Variants in ANKRD20A1 observed in about 807,000 individuals in gnomAD.
The protein encoded by ANKRD20A1 is ankyrin repeat domain-containing protein 20A1.
Under a neutral mutation model 50.9 loss-of-function variants are expected in ANKRD20A1, and 2 were observed. The ratio of observed to expected loss-of-function variants is 0.04; its 90% CI spans 0.02 to 0.12. The LOEUF is 0.12. Ranked by LOEUF, ANKRD20A1 falls within the 10% of genes least tolerant of loss-of-function variation. The probability of loss-of-function intolerance (pLI) is 1.00; values close to 1 mark genes in which losing one functional copy is unlikely to be tolerated. For missense variants in ANKRD20A1, 31 were observed against 548.1 expected (o/e 0.06, Z 9.42); for synonymous variants, 10 against 186.2 (o/e 0.05, Z 7.70).
At chr9:67,882,942 C>T (rs1470518812) in intron 8 of ANKRD20A1, among the ~76,000 whole-genome samples, 1 of 151,214 alleles carries the variant, frequency 6.6e-6, no homozygotes, top group Non-Finnish European at 1.5e-5. Context: ...CAGCTTCATC[C>T]ATGTCCCTAC....
At chr9:67,882,571 C>T (rs1358715885) in intron 8 of ANKRD20A1, among the ~76,000 whole-genome samples, 1 of 149,976 alleles carries the variant, frequency 6.7e-6, no homozygotes, top group Non-Finnish European at 1.5e-5. Flanking sequence ...TTTAGATTAA[C>T]ATTTCTTAAG....
intron 8 of ANKRD20A1, among the ~76,000 whole-genome samples, chr9:67,882,240 G>A (rs1241567018): frequency 1.3e-5 from 2 of 151,270 alleles, no homozygotes; most frequent in African/African-American, 4.8e-5. Flanking sequence ...GCCTGCCTCA[G>A]CCTCTCAAAG....
At position 67,884,544 on chromosome 9, in the gene ANKRD20A1, A is replaced by G. The variant is rs1289171425; in HGVS notation, c.953A>G (p.Asn318Ser). ...CCTGGATCTTCGCATGAAAAAGGAA[A>G]CAGAATAGTCAATGGACAAGGAGAA... The part of the protein sequence containing the change: ...PLPGSSHEKG[N>S]RIVNGQGEGP... The change falls in exon 9 of 15, where the codon AAC becomes AGC. Residue 318 changes from asparagine (N) to serine (S), a missense_variant. By Grantham distance (46) the Asn-to-Ser change is conservative (BLOSUM62 1). Coordinates refer to ENST00000562196, the MANE Select transcript of ANKRD20A1 (RefSeq NM_032250.5). 1.9e-6 allele frequency: 3 copies of G among 1,591,974 alleles called. No homozygotes were observed. The highest frequency in any genetic ancestry group is 1.1e-5 in the South Asian group (1 of 90,450).
At chr9:67,863,650 C>A (rs1827517814) in intron 3 of ANKRD20A1, among the ~76,000 whole-genome samples, 1 of 38,192 alleles carries the variant, frequency 2.6e-5, no homozygotes, top group Non-Finnish European at 5.0e-5. Flanking sequence ...TTTTTCTACA[C>A]AGGCTTATTC....
rs144026348 is a variant in ANKRD20A1 at position 67,882,308 on chromosome 9, A to G, written c.894+1763A>G. Among the ~76,000 whole-genome samples the G allele has an allele frequency of 4.7e-3, 707 of 150,500 alleles. 3 individuals carry two copies. The highest frequency in any genetic ancestry group is 0.016 in the African/African-American group (666 of 40,482). ...AATAATGTTTAATCTGAATAAATAG[A>G]CAAATGAATTTTTATATAATGGAAT... On this transcript the variant is annotated intron_variant, in intron 8 of 14. Transcript: ENST00000562196.
chr9:67,885,132 G>T (rs1215531975), intron 9 of ANKRD20A1, among the ~76,000 whole-genome samples: 3 of 152,148 alleles, frequency 2.0e-5, no homozygotes, highest in Non-Finnish European at 2.9e-5. Flanking sequence ...TCAGGAGAGA[G>T]GGAAGAGGAA....
intron 8 of ANKRD20A1, among the ~76,000 whole-genome samples, chr9:67,881,585 G>A (rs1827796783): frequency 6.6e-6 from 1 of 152,378 alleles, no homozygotes; most frequent in African/African-American, 2.4e-5. Flanking sequence ...TGGCCAACGT[G>A]GTGAAACCCT....
Position 67,894,762 on chromosome 9 carries a change from CA to C in ANKRD20A1, c.1152+1269del, listed in dbSNP as rs566815836. 2.9e-3 allele frequency among the ~76,000 whole-genome samples: 107 copies of C among 36,974 alleles called. 13 individuals carry two copies. The highest frequency in any genetic ancestry group is 7.1e-3 in the African/African-American group (87 of 12,186). 24.3% of individuals were successfully genotyped at this position (36,974 alleles called of 152,430 possible). A position where few individuals can be genotyped will look rare whatever the true frequency, so the allele number is the denominator to read the frequency against. On this transcript the variant is annotated intron_variant, in intron 12 of 14. Transcript: ENST00000562196. Reference sequence around the variant, plus strand: ...AATTTGTTTTCCATTTTGCACCTGCCAAAAAAAAAAAAAGTCTCAAGAACCA... The same window carrying C: ...AATTTGTTTTCCATTTTGCACCTGCCAAAAAAAAAAAAGTCTCAAGAACCA...
At chr9:67,882,426 T>C (rs1827816293) in intron 8 of ANKRD20A1, among the ~76,000 whole-genome samples, 1 of 138,900 alleles carries the variant, frequency 7.2e-6, no homozygotes, top group Admixed American at 7.9e-5. Context: ...TTTAAGGGTG[T>C]ATAAGTTTTG....
chr9:67,860,088 C>T (rs1334190243), intron 1 of ANKRD20A1, among the ~76,000 whole-genome samples: 1 of 33,628 alleles, frequency 3.0e-5, no homozygotes, highest in Non-Finnish European at 5.4e-5. Context: ...GTCAGAGTCT[C>T]GCTTCTTTGC....
chr9:67,884,866 G>A (rs1482577991), intron 9 of ANKRD20A1, among the ~76,000 whole-genome samples: 1 of 151,172 alleles, frequency 6.6e-6, no homozygotes, highest in East Asian at 2.0e-4. Context: ...TTCCACCCTG[G>A]GCGACAGAGC....
Position 67,897,124 on chromosome 9 carries a change from G to A in ANKRD20A1, c.1153-435G>A, listed in dbSNP as rs1291983712. ...AAGGGAAAACTTCTTTACTGTTCCC[G>A]AAGGCCTACAAGGTCACATCCTCTT... On this transcript the variant is annotated intron_variant, in intron 12 of 14. Transcript: ENST00000562196. Among the ~76,000 whole-genome samples, 6 of 96,010 alleles carry A rather than the reference G, an allele frequency of 6.2e-5. 1 individual carries two copies. Among genetic ancestry groups the A allele is most frequent in the Non-Finnish European group, 9.5e-5 (4 of 42,100 alleles). The allele number at this position is 96,010 out of a possible 152,430, so 63.0% of individuals were successfully genotyped here. A position where few individuals can be genotyped will look rare whatever the true frequency, so the allele number is the denominator to read the frequency against.
intron 9 of ANKRD20A1, among the ~76,000 whole-genome samples, chr9:67,886,637 A>T (rs1827883752): frequency 1.2e-5 from 1 of 82,780 alleles, no homozygotes. Flanking sequence ...CTCAAGGCCA[A>T]ATGAGGGGAT....
rs1827648361 is a variant in ANKRD20A1, at chr9:67,871,628, AAATT to A, written c.793+417_793+420del. The stretch of plus-strand genomic sequence containing the variant: ...GGATCTTCGATTTCATTTTTATAAT[AAATT>A]GTTTATATTTAGTAAACAAATAACT... On this transcript the variant is annotated intron_variant, in intron 6 of 14. Coordinates refer to ENST00000562196, the MANE Select transcript of ANKRD20A1 (RefSeq NM_032250.5). Among the ~76,000 whole-genome samples, 2 of 136,564 alleles carry A rather than the reference AAATT, an allele frequency of 1.5e-5. 1 individual carries two copies. Among genetic ancestry groups the A allele is most frequent in the African/African-American group, 5.4e-5 (2 of 36,746 alleles). The allele number at this position is 136,564 out of a possible 152,430, so 89.6% of individuals were successfully genotyped here.
At chr9:67,882,250 G>C (rs1379113988) in intron 8 of ANKRD20A1, among the ~76,000 whole-genome samples, 1 of 151,390 alleles carries the variant, frequency 6.6e-6, no homozygotes, top group African/African-American at 2.4e-5. Flanking sequence ...GCCTCTCAAA[G>C]TGCTGGGTTA....
In ANKRD20A1 at chr9:67,860,957, T is replaced by A. The variant is rs1294309829; in HGVS notation, c.203+1328T>A. On this transcript the variant is annotated intron_variant, in intron 1 of 14. Transcript: ENST00000562196. ...GTTATAGCTAGCAAGGAGAAAAAAA[T>A]TAGTTAAATTATACATACACAAACA... 8.4e-5 allele frequency among the ~76,000 whole-genome samples: 4 copies of A among 47,610 alleles called. 2 individuals are homozygous for A. The East Asian group carries it at 1.6e-3, about 19-fold the overall frequency. 31.2% of individuals were successfully genotyped at this position (47,610 alleles called of 152,430 possible).
intron 12 of ANKRD20A1, among the ~76,000 whole-genome samples, chr9:67,896,441 G>A (rs1394234671): frequency 1.1e-5 from 1 of 91,002 alleles, no homozygotes; most frequent in African/African-American, 3.3e-5. Context: ...CAGACCTTAC[G>A]TTATGTTGTT....
intron 9 of ANKRD20A1, among the ~76,000 whole-genome samples, chr9:67,884,985 C>A (rs1252389549): frequency 1.6e-5 from 1 of 61,712 alleles, no homozygotes; most frequent in Non-Finnish European, 5.1e-5. Context: ...GTCCTATTAA[C>A]TGTATAATAA....
chr9:67,882,597 A>G (rs1245849155), intron 8 of ANKRD20A1, among the ~76,000 whole-genome samples: 8 of 149,942 alleles, frequency 5.3e-5, no homozygotes, highest in African/African-American at 1.9e-4. Context: ...TATTAGCTCC[A>G]ACTCATGTTT....
Sources: gnomAD v4.1 joint callset for allele counts (sites outside exome capture counted in the v4.1 genomes callset) on GRCh38, gnomAD v4.1.1 for gene constraint, MANE v1.5 for transcripts, NCBI Gene and HGNC (gene_info 2026-07-23, HGNC 2026-07-21) for gene names.